The following SESN1 variants were observed in gnomAD, a reference collection of about 807,000 sequenced individuals.
The protein encoded by SESN1 is sestrin-1.
A neutral mutation model predicts 59.3 loss-of-function variants in SESN1; 30 were observed. That is an observed-to-expected ratio of 0.51 (90% CI 0.38 to 0.69). The LOEUF (loss-of-function observed/expected upper bound fraction) is 0.69, where lower values mean the gene tolerates loss of function less well. SESN1 is among the 30% of genes least tolerant of loss of function. The pLI is 0.00. For missense variants in SESN1, 566 were observed against 673.0 expected (o/e 0.84, Z 1.76); for synonymous variants, 197 against 219.9 (o/e 0.90, Z 0.92).
At chr6:109,028,750 G>A (rs1395477861) in intron 1 of SESN1, among the ~76,000 whole-genome samples, 1 of 152,150 alleles carries the variant, frequency 6.6e-6, no homozygotes, top group African/African-American at 2.4e-5. Flanking sequence ...CCCGATCTCA[G>A]AACTGGCACA....
At chr6:109,023,002 C>T (rs1446881940) in intron 1 of SESN1, among the ~76,000 whole-genome samples, 3 of 152,198 alleles carry the variant, frequency 2.0e-5, no homozygotes, top group East Asian at 3.8e-4. Flanking sequence ...TCTTCCCCTG[C>T]ACTATGTTCC....
At chr6:108,996,326 A>G (rs1477430107) in intron 5 of SESN1, among the ~76,000 whole-genome samples, 1 of 152,196 alleles carries the variant, frequency 6.6e-6, no homozygotes, top group East Asian at 1.9e-4. Context: ...TGTTTCTATG[A>G]CGATACTGAA....
chr6:109,042,082 TA>T (rs1780352093), intron 1 of SESN1, among the ~76,000 whole-genome samples: 1 of 151,992 alleles, frequency 6.6e-6, no homozygotes, highest in Non-Finnish European at 1.5e-5. Flanking sequence ...ATTTGCAAAC[TA>T]AACACCACAC....
chr6:109,084,936 T>C (rs1781188094), intron 1 of SESN1, among the ~76,000 whole-genome samples: 1 of 152,090 alleles, frequency 6.6e-6, no homozygotes, highest in African/African-American at 2.4e-5. Flanking sequence ...CAGATTTTAA[T>C]AATAAAATAC....
chr6:109,009,309 G>T, intron 1 of SESN1: 1 of 1,427,348 alleles, frequency 7.0e-7, no homozygotes, highest in Admixed American at 2.7e-5. Flanking sequence ...TCGGCCGGGT[G>T]CCCACCCGCC....
At chr6:109,090,522 T>C (rs1256725760) in intron 1 of SESN1, 4 of 152,220 alleles carry the variant, frequency 2.6e-5, no homozygotes, top group African/African-American at 7.2e-5. Context: ...ATATACTGTA[T>C]TCTTACAATA....
chr6:109,039,603 A>AG (rs1173473930), intron 1 of SESN1, among the ~76,000 whole-genome samples: 30 of 152,338 alleles, frequency 2.0e-4, no homozygotes, highest in African/African-American at 6.7e-4. Context: ...TCTCAAGTGG[A>AG]GGGGTCATAG....
intron 1 of SESN1, among the ~76,000 whole-genome samples, chr6:109,046,317 G>T (rs10428772): frequency 1.3e-5 from 2 of 151,800 alleles, no homozygotes; most frequent in Non-Finnish European, 2.9e-5. Flanking sequence ...GCCCCTAACC[G>T]CGAGTGATCC....
rs1462152830 is a variant in SESN1, at chr6:108,987,188, C to T, written c.*356G>A. 1.1e-5 allele frequency: 2 copies of T among 182,152 alleles called. No homozygotes were observed. Among genetic ancestry groups the T allele is most frequent in the African/African-American group, 4.7e-5 (2 of 42,720 alleles). 11.3% of individuals were successfully genotyped at this position (182,152 alleles called of 1,614,324 possible). A position where few individuals can be genotyped will look rare whatever the true frequency, so the allele number is the denominator to read the frequency against. On this transcript the variant is annotated 3_prime_UTR_variant, in exon 10 of 10. Coordinates refer to ENST00000436639, the MANE Select transcript of SESN1 (RefSeq NM_014454.3). ...TTACATATAAAGCTTAAGTCATTAT[C>T]CAAGTCCCATTCTTTGCATGCTCCA... is the stretch of plus-strand genomic sequence containing the variant.
chr6:108,989,944 A>G (rs1779330397), intron 8 of SESN1, among the ~76,000 whole-genome samples: 1 of 152,230 alleles, frequency 6.6e-6, no homozygotes, highest in South Asian at 2.1e-4. Flanking sequence ...GCTACTGATT[A>G]GTGGGAAATT....
chr6:109,066,055 C>T (rs555956159), intron 1 of SESN1, among the ~76,000 whole-genome samples: 8 of 152,116 alleles, frequency 5.3e-5, no homozygotes, highest in African/African-American at 1.9e-4. Flanking sequence ...AATTATTAAA[C>T]GAATACAATA....
chr6:108,989,505 CTATA>C (rs111756267), intron 8 of SESN1, among the ~76,000 whole-genome samples: 14 of 145,968 alleles, frequency 9.6e-5, no homozygotes, highest in African/African-American at 2.3e-4. Context: ...CTAGAGATAT[CTATA>C]TATATATAGA....
rs1780875952 is a variant in SESN1, at chr6:109,068,671, G to A, written c.279+25124C>T. 2.0e-5 allele frequency among the ~76,000 whole-genome samples: 3 copies of A among 150,664 alleles called. No individual in the cohort carries two copies. In the South Asian group the frequency reaches 6.3e-4, roughly 31 times the overall value. ...CAATCTTTATATTGAAAAGACCCAA[G>A]CATAGTGGGGAGAAACATATTCTGA... On this transcript the variant is annotated intron_variant, in intron 1 of 9. Transcript: ENST00000436639.
intron 1 of SESN1, among the ~76,000 whole-genome samples, chr6:109,061,306 A>C (rs904870693): frequency 6.6e-6 from 1 of 152,144 alleles, no homozygotes; most frequent in Non-Finnish European, 1.5e-5. Flanking sequence ...TGACCAAAAA[A>C]TTTTTTTCAA....
chr6:109,036,797 A>C (rs574379957), intron 1 of SESN1, among the ~76,000 whole-genome samples: 14 of 152,290 alleles, frequency 9.2e-5, no homozygotes, highest in East Asian at 3.9e-4. Context: ...CCATTAGTAG[A>C]GTATCATATG....
chr6:109,028,586 G>C (rs373955238), intron 1 of SESN1, among the ~76,000 whole-genome samples: 15 of 151,928 alleles, frequency 9.9e-5, no homozygotes, highest in East Asian at 3.9e-4. Flanking sequence ...GCAATACTAG[G>C]GGGTAAGACA....
intron 1 of SESN1, among the ~76,000 whole-genome samples, chr6:109,032,051 C>T (rs1036366085): frequency 6.6e-6 from 1 of 152,102 alleles, no homozygotes; most frequent in Non-Finnish European, 1.5e-5. Context: ...CCGCGGATCA[C>T]CTGAGGTCGA....
intron 1 of SESN1, among the ~76,000 whole-genome samples, chr6:109,086,121 A>G (rs567501052): frequency 2.6e-5 from 4 of 152,242 alleles, no homozygotes; most frequent in East Asian, 1.9e-4. Flanking sequence ...CACTTTGGGA[A>G]GCCAAGGCAG....
At chr6:108,989,914 A>T (rs1247921767) in intron 8 of SESN1, among the ~76,000 whole-genome samples, 13 of 152,184 alleles carry the variant, frequency 8.5e-5, no homozygotes, top group Admixed American at 8.5e-4. Context: ...ACCATTGAGG[A>T]GGCTAAAGTC....
Sources: allele counts gnomAD v4.1 joint callset (sites outside exome capture counted in the v4.1 genomes callset), GRCh38; gene constraint gnomAD v4.1.1; transcripts MANE v1.5; gene names NCBI Gene and HGNC (gene_info 2026-07-23, HGNC 2026-07-21).